Variants in TRIM62 observed in about 807,000 individuals in gnomAD.
TRIM62 encodes tripartite motif containing 62.
A neutral mutation model predicts 44.2 loss-of-function variants in TRIM62; 39 were observed. That is an observed-to-expected ratio of 0.88 (90% confidence interval 0.68 to 1.15). The LOEUF (loss-of-function observed/expected upper bound fraction) is 1.15. Among genes scored for constraint, TRIM62 ranks in the 50% most tolerant of loss-of-function variants. The pLI, the probability that TRIM62 is intolerant of heterozygous loss-of-function variation, is 0.00. For missense variants in TRIM62, 544 were observed against 665.5 expected, an observed-to-expected ratio of 0.82 and a Z score of 2.01; for synonymous variants, 278 against 292.3, an observed-to-expected ratio of 0.95 and a Z score of 0.50.
rs774989488 is a variant in TRIM62 at position 33,158,394 on chromosome 1, T to C, written c.762-26A>G. The C allele has an allele frequency of 4.4e-6, 7 of 1,601,112 alleles. 1 individual carries two copies. In the South Asian group the frequency reaches 7.7e-5, roughly 18 times the overall value. On this transcript the variant is annotated intron_variant, in intron 3 of 4. Transcript: ENST00000291416. ...CTGGAAGGAGAGCAGGAAAGGGGGC[T>C]GCACCAGGGACTGGATTCCTGCCCC...
intron 4 of TRIM62, among the ~76,000 whole-genome samples, chr1:33,150,881 G>A (rs377081698): frequency 5.3e-5 from 8 of 152,286 alleles, no homozygotes; most frequent in Non-Finnish European, 1.0e-4. Flanking sequence ...GCAGAAGAGC[G>A]ATGCACAGTG....
Position 33,160,408 on chromosome 1 carries a change from A to G in TRIM62, c.505-464T>C, listed in dbSNP as rs138994369. Among the ~76,000 whole-genome samples the G allele has an allele frequency of 6.6e-4, 100 of 151,810 alleles. 3 individuals carry two copies. In the East Asian group the frequency reaches 0.014, roughly 21 times the overall value. On this transcript the variant is annotated intron_variant, in intron 2 of 4. Coordinates refer to ENST00000291416, the MANE Select transcript of TRIM62 (RefSeq NM_018207.3). Reference sequence around the variant, plus strand: ...AGTCTTTATTTTTTTTGCTTTTATTATTATTAGTTTTTTGAGATGGAGTTT... The same window carrying G: ...AGTCTTTATTTTTTTTGCTTTTATTGTTATTAGTTTTTTGAGATGGAGTTT...
rs890117582 is a variant in TRIM62, at chr1:33,161,171, A to G, written c.505-1227T>C. ...TGCGCACTCCAAGGCGCAGAGAAAGAGCCTGGTTATTGAAGACTGCAATTC... is the reference window on the plus strand; with the variant it reads ...TGCGCACTCCAAGGCGCAGAGAAAGGGCCTGGTTATTGAAGACTGCAATTC... On this transcript the variant is annotated intron_variant, in intron 2 of 4. Coordinates refer to ENST00000291416, the MANE Select transcript of TRIM62 (RefSeq NM_018207.3). The surrounding 1 kb of genome is among the most constrained non-coding windows in gnomAD (Gnocchi z 4.3). Among the ~76,000 whole-genome samples, 19 of 152,224 alleles carry G rather than the reference A, an allele frequency of 1.2e-4. No homozygotes were observed. The highest frequency in any genetic ancestry group is 2.5e-4 in the Non-Finnish European group (17 of 68,040).
Position 33,147,147 on chromosome 1 carries a change from C to A in TRIM62, c.*30G>T. ...AGGGCTCTTGCAGGTGGCAGTGGTC[C>A]CAGGAGGTTGTGGTCTCCTTCTGCC... On this transcript the variant is annotated 3_prime_UTR_variant, in exon 5 of 5. Transcript: ENST00000291416. The surrounding 1 kb of genome is among the most constrained non-coding windows in gnomAD (Gnocchi z 8.1). 1 of 1,602,888 alleles carries A rather than the reference C, an allele frequency of 6.2e-7. No individual in the cohort carries two copies. Among genetic ancestry groups the A allele is most frequent in the South Asian group, 1.1e-5 (1 of 89,318 alleles).
At chr1:33,180,825 G>A (rs1053453439) in intron 1 of TRIM62, among the ~76,000 whole-genome samples, 200 bp downstream of exon 1, 1 of 127,326 alleles carries the variant, frequency 7.9e-6, no homozygotes, top group East Asian at 2.5e-4. Flanking sequence ...CCAAGGCCCC[G>A]CCCCCACGGC....
At chr1:33,169,228 C>G (rs1160570718) in intron 1 of TRIM62, among the ~76,000 whole-genome samples, 2 of 152,094 alleles carry the variant, frequency 1.3e-5, no homozygotes, top group Non-Finnish European at 2.9e-5. Flanking sequence ...CCCAAACTTG[C>G]TCCTCTCCCC....
intron 4 of TRIM62, among the ~76,000 whole-genome samples, chr1:33,148,970 T>G (rs1393974842): frequency 6.6e-6 from 1 of 152,158 alleles, no homozygotes; most frequent in Non-Finnish European, 1.5e-5. Context: ...AACCTCTCAC[T>G]TCTGCCCCCT....
intron 2 of TRIM62, chr1:33,164,034 C>T (rs1161437600): frequency 1.3e-5 from 2 of 152,278 alleles, no homozygotes; most frequent in Non-Finnish European, 2.9e-5. Context: ...ATACTCCGCT[C>T]TCATACAGAG....
At position 33,159,087 on chromosome 1, in the gene TRIM62, C is replaced by G. The variant is rs1190250293; in HGVS notation, c.761+601G>C. Among the ~76,000 whole-genome samples the G allele has an allele frequency of 6.6e-6, 1 of 151,894 alleles. No homozygotes were observed. The highest frequency in any genetic ancestry group is 1.5e-5 in the Non-Finnish European group (1 of 67,982). ...CCTGAACTCCTGACCTCAGGTAATCCACCTGCCTCGGCCTCCCAAAGTGCT... is the reference window on the plus strand; with the variant it reads ...CCTGAACTCCTGACCTCAGGTAATCGACCTGCCTCGGCCTCCCAAAGTGCT... On this transcript the variant is annotated intron_variant, in intron 3 of 4. Coordinates refer to ENST00000291416, the MANE Select transcript of TRIM62 (RefSeq NM_018207.3). The surrounding 1 kb of genome is among the most constrained non-coding windows in gnomAD (Gnocchi z 4.2).
At chr1:33,148,672 CTA>C (rs979433859) in intron 4 of TRIM62, among the ~76,000 whole-genome samples, 4 of 152,100 alleles carry the variant, frequency 2.6e-5, no homozygotes, top group African/African-American at 9.7e-5. Context: ...GAGTATGTAT[CTA>C]TGTACATATA....
rs912718497 is a variant in TRIM62, at chr1:33,161,727, C to A, written c.505-1783G>T. On this transcript the variant is annotated intron_variant, in intron 2 of 4. Coordinates refer to ENST00000291416, the MANE Select transcript of TRIM62 (RefSeq NM_018207.3). This position sits in a 1 kb window ranked among gnomAD's most constrained non-coding sequence, Gnocchi z 4.3. ...ATGGGGTCCGTCGTCCCTGCACCAC[C>A]TGGAGCTGCCCTCCACAGGCGCCCA... 2.0e-5 allele frequency among the ~76,000 whole-genome samples: 3 copies of A among 152,204 alleles called. No homozygotes were observed. The highest frequency in any genetic ancestry group is 4.4e-5 in the Non-Finnish European group (3 of 68,032).
chr1:33,151,014 G>A (rs989102807), intron 4 of TRIM62, among the ~76,000 whole-genome samples: 2 of 152,094 alleles, frequency 1.3e-5, no homozygotes, highest in South Asian at 2.1e-4. Flanking sequence ...GGACTGGTGC[G>A]GGGCGGGGGG....
intron 1 of TRIM62, among the ~76,000 whole-genome samples, chr1:33,170,569 T>G (rs1645366068): frequency 6.6e-6 from 1 of 152,010 alleles, no homozygotes; most frequent in Admixed American, 6.6e-5. Flanking sequence ...AGAGTTCACC[T>G]CGAAAGGGTG....
rs757089093 is a variant in TRIM62, at chr1:33,181,145, G to T, written c.288C>A (p.His96Gln). 1 of 1,600,406 alleles carries T rather than the reference G, an allele frequency of 6.2e-7. No individual in the cohort carries two copies. The highest frequency in any genetic ancestry group is 1.3e-5 in the African/African-American group (1 of 74,954). Residue 96 changes from histidine to glutamine, a missense_variant, in exon 1 of 5, where the codon CAC (histidine) becomes CAA (glutamine). Physicochemically the swap from His to Gln is conservative, Grantham distance 24 (BLOSUM62 0). Transcript: ENST00000291416. This position sits in a 1 kb window ranked among gnomAD's most constrained non-coding sequence, Gnocchi z 6.5. ...TGAGGCAGAAGAGCTTGACCTTGTC[G>T]TGCGCCTGGCAGGGTCGCGCGGCGC... The part of the protein sequence containing the change: ...ARRAARPCQA[H>Q]DKVKLFCLTD...
chr1:33,170,036 C>T (rs1645360753), intron 1 of TRIM62, among the ~76,000 whole-genome samples: 1 of 152,166 alleles, frequency 6.6e-6, no homozygotes, highest in Non-Finnish European at 1.5e-5. Flanking sequence ...TCAATCTCCC[C>T]TACTAGGCCG....
chr1:33,168,569 G>A (rs1164750193), intron 1 of TRIM62, among the ~76,000 whole-genome samples: 2 of 152,212 alleles, frequency 1.3e-5, no homozygotes, highest in Admixed American at 6.5e-5. Flanking sequence ...CTTTCCTAGA[G>A]ACTTGTCTTA....
At chr1:33,149,305 A>G (rs1273664057) in intron 4 of TRIM62, among the ~76,000 whole-genome samples, 1 of 152,150 alleles carries the variant, frequency 6.6e-6, no homozygotes, top group African/African-American at 2.4e-5. Flanking sequence ...GGCACGCGCC[A>G]CCACGCCTGG....
At position 33,177,406 on chromosome 1, in the gene TRIM62, C is replaced by A. The variant is rs928797296; in HGVS notation, c.408+3619G>T. Among the ~76,000 whole-genome samples the A allele has an allele frequency of 2.0e-5, 3 of 152,106 alleles. No homozygotes were observed. The highest frequency in any genetic ancestry group is 7.3e-5 in the African/African-American group (3 of 41,370). The stretch of plus-strand genomic sequence containing the variant: ...ATCATATCCTCTTGTTATAGATGAA[C>A]CTTAGAGAAGGAGCCTTAGAGAAGC... On this transcript the variant is annotated intron_variant, in intron 1 of 4. Transcript: ENST00000291416. This position sits in a 1 kb window ranked among gnomAD's most constrained non-coding sequence, Gnocchi z 4.1.
At chr1:33,149,292 A>G (rs775822656) in intron 4 of TRIM62, among the ~76,000 whole-genome samples, 5 of 152,124 alleles carry the variant, frequency 3.3e-5, no homozygotes, top group Non-Finnish European at 5.9e-5. Context: ...AGTTGGGATT[A>G]TAGGCACGCG....
Sources: allele counts gnomAD v4.1 joint callset (sites outside exome capture counted in the v4.1 genomes callset), GRCh38; gene constraint gnomAD v4.1.1; non-coding constraint Gnocchi (gnomAD v3.1); transcripts MANE v1.5; gene names NCBI Gene and HGNC (gene_info 2026-07-23, HGNC 2026-07-21).